Variants in TLN2 observed in about 807,000 individuals in gnomAD.
TLN2 encodes talin 2.
In TLN2, 118 loss-of-function variants were observed where a neutral mutation model predicts 294.7. The observed-to-expected ratio is 0.40, with a 90% CI of 0.34 to 0.47. The LOEUF is 0.47. Ranked by LOEUF, TLN2 falls within the 20% of genes least tolerant of loss-of-function variation. TLN2 has a pLI of 0.84. For missense variants in TLN2, 3,083 were observed against 3,282.2 expected, an observed-to-expected ratio of 0.94 and a Z score of 1.48; for synonymous variants, 1,431 against 1,304.5, an observed-to-expected ratio of 1.10 and a Z score of -2.09.
At position 62,825,784 on chromosome 15, in the gene TLN2, ATATATTATAATATATATTATATAT is replaced by A. The variant is rs1227098285; in HGVS notation, c.7002+5196_7002+5219del. Among the ~76,000 whole-genome samples the A allele has an allele frequency of 1.6e-3, 23 of 14,618 alleles. 1 individual carries two copies. Among genetic ancestry groups the A allele is most frequent in the African/African-American group, 4.5e-3 (22 of 4,852 alleles). The allele number at this position is 14,618 out of a possible 152,430, so 9.6% of individuals were successfully genotyped here. On this transcript the variant is annotated intron_variant, in intron 54 of 58. Coordinates refer to ENST00000636159, the MANE Select transcript of TLN2 (RefSeq NM_015059.3). Reference sequence around the variant, plus strand: ...ATAATTATATATTATATAATATATTATATATTATAATATATATTATATATTATATTATAATATATATTATAATAT... The same window carrying A: ...ATAATTATATATTATATAATATATTATATATTATAATATATATTATAATAT...
At chr15:62,755,455 A>G in intron 36 of TLN2, 77 bp from the exon 37 acceptor site, 3 of 1,513,276 alleles carry the variant, frequency 2.0e-6, no homozygotes, top group South Asian at 1.3e-5. Context: ...TTGAACAGGA[A>G]CCCAGGGCTG....
intron 37 of TLN2, among the ~76,000 whole-genome samples, chr15:62,760,999 T>C (rs1267949941): frequency 6.6e-6 from 1 of 152,150 alleles, no homozygotes; most frequent in East Asian, 1.9e-4. Flanking sequence ...ATTAGGAGGG[T>C]CACCTGTGTT....
At chr15:62,726,395 A>C (rs1165710007) in intron 27 of TLN2, among the ~76,000 whole-genome samples, 1 of 152,196 alleles carries the variant, frequency 6.6e-6, no homozygotes, top group Non-Finnish European at 1.5e-5. Context: ...TTCTCTTCCA[A>C]AACCTCATCT....
Position 62,836,230 on chromosome 15 carries a change from C to T in TLN2, c.7374+157C>T. 5.0e-6 allele frequency: 5 copies of T among 1,001,468 alleles called. No homozygotes were observed. The South Asian group carries it at 7.9e-5, about 16-fold the overall frequency. The allele number at this position is 1,001,468 out of a possible 1,614,324, so 62.0% of individuals were successfully genotyped here. ...TCATCTACTGCGTGCGTCCATGCAT[C>T]CTCCACTGCTGCCCCACCACGCTGC... On this transcript the variant is annotated intron_variant, in intron 57 of 58. Transcript: ENST00000636159.
At chr15:62,415,864 C>G (rs1029363965) in intron 1 of TLN2, among the ~76,000 whole-genome samples, 1 of 152,148 alleles carries the variant, frequency 6.6e-6, no homozygotes, top group African/African-American at 2.4e-5. Context: ...CCCTCCATGT[C>G]CATGCAGTAA....
intron 1 of TLN2, among the ~76,000 whole-genome samples, chr15:62,486,972 T>A (rs1396173732): frequency 6.6e-6 from 1 of 152,180 alleles, no homozygotes; most frequent in Non-Finnish European, 1.5e-5. Flanking sequence ...TCTCTGCCCT[T>A]GTAGCAACTG....
At chr15:62,834,145 AT>A (rs2069193620) in intron 55 of TLN2, 1 of 152,266 alleles carries the variant, frequency 6.6e-6, no homozygotes. Flanking sequence ...CTAGTCACCC[AT>A]TCCATCTACT....
chr15:62,458,415 A>G (rs986220934), intron 1 of TLN2, among the ~76,000 whole-genome samples: 1 of 152,056 alleles, frequency 6.6e-6, no homozygotes, highest in South Asian at 2.1e-4. Flanking sequence ...AGCTGGGCTT[A>G]ATGAGAGATG....
intron 7 of TLN2, among the ~76,000 whole-genome samples, chr15:62,653,748 T>A (rs202082675): frequency 6.7e-5 from 9 of 135,312 alleles, no homozygotes; most frequent in Admixed American, 1.5e-4. Context: ...AAATAAAAAT[T>A]AAAAAAAAAA....
At chr15:62,755,772 C>T (rs1375034245) in intron 37 of TLN2, 79 bp downstream of exon 37, 9 of 1,535,958 alleles carry the variant, frequency 5.9e-6, no homozygotes, top group East Asian at 2.3e-5. Context: ...ATTTAAGCTC[C>T]ACTCCTCTCC....
At chr15:62,720,043 G>T (rs904637856) in intron 25 of TLN2, among the ~76,000 whole-genome samples, 163 bp downstream of exon 25, 1 of 152,256 alleles carries the variant, frequency 6.6e-6, no homozygotes, top group Non-Finnish European at 1.5e-5. Context: ...GGAGAGGTGG[G>T]TTCAGCTTGG....
chr15:62,520,757 A>G lies in TLN2; in HGVS notation c.-237-68930A>G, dbSNP rs2040417026. 2.6e-5 allele frequency among the ~76,000 whole-genome samples: 4 copies of G among 152,146 alleles called. No individual in the cohort carries two copies. The South Asian group carries it at 8.3e-4, about 31-fold the overall frequency. On this transcript the variant is annotated intron_variant, in intron 1 of 58. Coordinates refer to ENST00000636159, the MANE Select transcript of TLN2 (RefSeq NM_015059.3). Reference sequence around the variant, plus strand: ...TACTTAATAGTTGTTTATTTTTTTAAAGTGTATATCTGTTTTAGAAGTTCT... The same window carrying G: ...TACTTAATAGTTGTTTATTTTTTTAGAGTGTATATCTGTTTTAGAAGTTCT...
At chr15:62,459,000 A>AT (rs572352519) in intron 1 of TLN2, among the ~76,000 whole-genome samples, 5,538 of 147,832 alleles carry the variant, frequency 0.037, 124 homozygotes, top group African/African-American at 0.067. Flanking sequence ...AGTAGACTCT[A>AT]TTTTTTTTTT....
In TLN2 at chr15:62,647,448, T is replaced by C; in HGVS notation, c.136+2T>C. 6.2e-7 allele frequency: 1 copy of C among 1,614,032 alleles called. No homozygotes were observed. Among genetic ancestry groups the C allele is most frequent in the Non-Finnish European group, 8.5e-7 (1 of 1,179,982 alleles). ...TGCCTGAGGCACAAACTGGGCAAGG[T>C]AGGTCATGGGTTATTTACTGGCTTC... On this transcript the variant is annotated splice_donor_variant, in intron 4 of 58. Coordinates refer to ENST00000636159, the MANE Select transcript of TLN2 (RefSeq NM_015059.3). LOFTEE classifies it high-confidence loss of function.
intron 53 of TLN2, 78 bp downstream of exon 53, chr15:62,819,699 G>A: frequency 7.6e-7 from 1 of 1,307,830 alleles, no homozygotes; most frequent in East Asian, 2.4e-5. Flanking sequence ...CAGAGGAAAA[G>A]CACAGACGGC....
intron 50 of TLN2, among the ~76,000 whole-genome samples, chr15:62,804,273 G>A (rs2066127326): frequency 6.6e-6 from 1 of 152,140 alleles, no homozygotes; most frequent in African/African-American, 2.4e-5. Context: ...ACAGACACAT[G>A]GGTTATTCTG....
chr15:62,422,067 CCTGA>C (rs1160478852), intron 1 of TLN2, among the ~76,000 whole-genome samples: 1 of 151,710 alleles, frequency 6.6e-6, no homozygotes, highest in African/African-American at 2.4e-5. Context: ...TCGAGACCAG[CCTGA>C]CTAACATGGT....
chr15:62,469,442 T>G (rs374157871), intron 1 of TLN2, among the ~76,000 whole-genome samples: 10 of 152,248 alleles, frequency 6.6e-5, no homozygotes, highest in African/African-American at 2.4e-4. Context: ...AGCTGTTCTT[T>G]ATAAAGAAAA....
At chr15:62,726,436 C>G (rs142144826) in intron 27 of TLN2, among the ~76,000 whole-genome samples, 112 of 152,276 alleles carry the variant, frequency 7.4e-4, no homozygotes, top group African/African-American at 2.6e-3. Flanking sequence ...TACCCTAGGC[C>G]TTTACTGACT....
Sources: allele counts gnomAD v4.1 joint callset (sites outside exome capture counted in the v4.1 genomes callset), GRCh38; gene constraint gnomAD v4.1.1; transcripts MANE v1.5; gene names NCBI Gene and HGNC (gene_info 2026-07-23, HGNC 2026-07-21).